Variants in UGCG observed in about 807,000 individuals in gnomAD.
UGCG encodes UDP-glucose ceramide glucosyltransferase, also known as ceramide glucosyltransferase.
In UGCG, 10 loss-of-function variants were observed where a neutral mutation model predicts 49.5. The ratio of observed to expected loss-of-function variants is 0.20; its 90% CI spans 0.12 to 0.34. The LOEUF (loss-of-function observed/expected upper bound fraction) is 0.34, where lower values mean the gene tolerates loss of function less well. Among genes scored for constraint, UGCG ranks in the 10% least tolerant of loss-of-function variants. The pLI, the probability that UGCG is intolerant of heterozygous loss-of-function variation, is 1.00. For missense variants in UGCG, 312 were observed against 483.7 expected (o/e 0.65, Z 3.33); for synonymous variants, 182 against 158.2 (o/e 1.15, Z -1.13).
chr9:111,908,820 A>G (rs1837940599), intron 1 of UGCG, among the ~76,000 whole-genome samples: 1 of 152,238 alleles, frequency 6.6e-6, no homozygotes, highest in Admixed American at 6.5e-5. Context: ...AAAACTAGTT[A>G]GAAACCAGTA....
rs1838464134 is a variant in UGCG at position 111,933,497 on chromosome 9, A to C, written c.*500A>C. On this transcript the variant is annotated 3_prime_UTR_variant, in exon 9 of 9. Coordinates refer to ENST00000374279, the MANE Select transcript of UGCG (RefSeq NM_003358.3). ...CACATGGCGAGGTACTAACTGAGAA[A>C]CTTTTTCATGCTTTATGCCTACCTC... is the stretch of plus-strand genomic sequence containing the variant. 6.6e-6 allele frequency: 1 copy of C among 152,212 alleles called. No individual in the cohort carries two copies. Among genetic ancestry groups the C allele is most frequent in the African/African-American group, 2.4e-5 (1 of 41,436 alleles). The allele number at this position is 152,212 out of a possible 1,614,324, so 9.4% of individuals were successfully genotyped here. A position where few individuals can be genotyped will look rare whatever the true frequency, so the allele number is the denominator to read the frequency against.
intron 1 of UGCG, among the ~76,000 whole-genome samples, chr9:111,911,905 G>GAT (rs200468304): frequency 5.4e-4 from 43 of 79,056 alleles, no homozygotes; most frequent in South Asian, 1.0e-3. Context: ...TATTCAACAG[G>GAT]ATATATATAT....
At chr9:111,920,226 G>A (rs1838195604) in intron 2 of UGCG, among the ~76,000 whole-genome samples, 2 of 152,148 alleles carry the variant, frequency 1.3e-5, no homozygotes, top group Admixed American at 1.3e-4. Context: ...TAGAAAGTAT[G>A]AGGAAAATAT....
intron 1 of UGCG, among the ~76,000 whole-genome samples, chr9:111,908,592 A>G (rs751321132): frequency 6.6e-6 from 1 of 152,186 alleles, no homozygotes; most frequent in Non-Finnish European, 1.5e-5. Flanking sequence ...TACCCCCCAC[A>G]CCACTTCCCC....
At chr9:111,899,699 A>G (rs899852632) in intron 1 of UGCG, among the ~76,000 whole-genome samples, 1 of 152,066 alleles carries the variant, frequency 6.6e-6, no homozygotes, top group Non-Finnish European at 1.5e-5. Context: ...AAATTATTAT[A>G]TATGTTAGTC....
intron 2 of UGCG, among the ~76,000 whole-genome samples, chr9:111,921,611 A>G (rs1377893598): frequency 2.0e-5 from 3 of 150,708 alleles, no homozygotes; most frequent in Admixed American, 6.7e-5. Context: ...AGATCATGCC[A>G]CTGCACTCCA....
chr9:111,929,828 TTTG>T, intron 6 of UGCG, 150 bp downstream of exon 6: 1 of 985,862 alleles, frequency 1.0e-6, no homozygotes, highest in South Asian at 1.9e-5. Context: ...TATTATTTTG[TTTG>T]TTTTTGAGAC....
chr9:111,910,651 C>T (rs1837979555), intron 1 of UGCG, among the ~76,000 whole-genome samples: 1 of 152,166 alleles, frequency 6.6e-6, no homozygotes, highest in Admixed American at 6.6e-5. Context: ...TCATTTCCTT[C>T]TCTTCTCTTG....
At position 111,933,163 on chromosome 9, in the gene UGCG, A is replaced by G; in HGVS notation, c.*166A>G. On this transcript the variant is annotated 3_prime_UTR_variant, in exon 9 of 9. Transcript: ENST00000374279. ...CACTTGCATCTGTGAAAAAAAAAAA[A>G]AACACATCTGTAGTCTTGGCCAAAT... The G allele has an allele frequency of 3.3e-6, 2 of 606,110 alleles. No individual in the cohort carries two copies. Among genetic ancestry groups the G allele is most frequent in the South Asian group, 8.1e-5 (1 of 12,414 alleles). The allele number at this position is 606,110 out of a possible 1,614,324, so 37.5% of individuals were successfully genotyped here.
At chr9:111,910,901 A>G (rs1243662966) in intron 1 of UGCG, among the ~76,000 whole-genome samples, 2 of 152,084 alleles carry the variant, frequency 1.3e-5, no homozygotes. Flanking sequence ...GCACACCACC[A>G]TGCCTGGCCA....
chr9:111,930,658 C>T (rs1445793251), intron 6 of UGCG, among the ~76,000 whole-genome samples: 6 of 151,504 alleles, frequency 4.0e-5, no homozygotes, highest in South Asian at 2.1e-4. Context: ...TTAGTAGAGG[C>T]GGGGTTTCAC....
chr9:111,898,262 A>G (rs1266270028), intron 1 of UGCG, among the ~76,000 whole-genome samples: 1 of 152,118 alleles, frequency 6.6e-6, no homozygotes, highest in Non-Finnish European at 1.5e-5. Flanking sequence ...CACATTACTG[A>G]TATCGATTCA....
In UGCG at chr9:111,897,120, C is replaced by A; in HGVS notation, c.-96C>A. ...CTCCCCACCTTCCTCTCGCCTCCCGCGCCCCCGCACCGGGCGCCCACCCTG... is the reference window on the plus strand; with the variant it reads ...CTCCCCACCTTCCTCTCGCCTCCCGAGCCCCCGCACCGGGCGCCCACCCTG... On this transcript the variant is annotated 5_prime_UTR_variant, in exon 1 of 9. Coordinates refer to ENST00000374279, the MANE Select transcript of UGCG (RefSeq NM_003358.3). The A allele has an allele frequency of 1.0e-6, 1 of 1,000,862 alleles. No homozygotes were observed. Among genetic ancestry groups the A allele is most frequent in the Non-Finnish European group, 1.4e-6 (1 of 706,402 alleles). 62.0% of individuals were successfully genotyped at this position (1,000,862 alleles called of 1,614,324 possible).
chr9:111,908,665 A>G (rs76744159), intron 1 of UGCG, among the ~76,000 whole-genome samples: 5,523 of 152,364 alleles, frequency 0.036, 138 homozygotes, highest in African/African-American at 0.069. Context: ...GATTCCCAGT[A>G]TAGAACCTAG....
chr9:111,918,949 A>ACC lies in UGCG; in HGVS notation c.241-3900_241-3899insCC, dbSNP rs1229753638. Reference sequence around the variant, plus strand: ...CAAAAAAAAAAAACAAAAAACAAAAAAACAAAAAAAAACACTTCAAACCTT... The same window carrying ACC: ...CAAAAAAAAAAAACAAAAAACAAAAACCAACAAAAAAAAACACTTCAAACCTT... On this transcript the variant is annotated intron_variant, in intron 2 of 8. Transcript: ENST00000374279. Among the ~76,000 whole-genome samples, 358 of 119,134 alleles carry ACC rather than the reference A, an allele frequency of 3.0e-3. 2 individuals are homozygous for ACC. The highest frequency in any genetic ancestry group is 0.014 in the African/African-American group (343 of 25,268). The allele number at this position is 119,134 out of a possible 152,430, so 78.2% of individuals were successfully genotyped here.
At chr9:111,925,362 T>G (rs1047783146) in intron 4 of UGCG, among the ~76,000 whole-genome samples, 2 of 152,250 alleles carry the variant, frequency 1.3e-5, no homozygotes, top group African/African-American at 4.8e-5. Context: ...TAACTTGCAT[T>G]TTCGAACACT....
At chr9:111,914,791 G>A (rs1432547362) in intron 2 of UGCG, 45 bp downstream of exon 2, 1 of 1,362,914 alleles carries the variant, frequency 7.3e-7, no homozygotes, top group Non-Finnish European at 9.9e-7. Flanking sequence ...GTTTTGTTTT[G>A]TTCCCCTCAT....
In UGCG at chr9:111,929,395, T is replaced by C. The variant is rs1002872804; in HGVS notation, c.559-105T>C. The C allele has an allele frequency of 5.2e-6, 6 of 1,164,592 alleles. No homozygotes were observed. In the African/African-American group the frequency reaches 6.3e-5, roughly 12 times the overall value. 72.1% of individuals were successfully genotyped at this position (1,164,592 alleles called of 1,614,324 possible). On this transcript the variant is annotated intron_variant, in intron 5 of 8. Coordinates refer to ENST00000374279, the MANE Select transcript of UGCG (RefSeq NM_003358.3). ...TAGTCTACGTAAGAATAATAAGATA[T>C]TCACTCAATCATACTTATAAAAAAA...
At chr9:111,919,654 G>A (rs1045127920) in intron 2 of UGCG, among the ~76,000 whole-genome samples, 1 of 151,742 alleles carries the variant, frequency 6.6e-6, no homozygotes, top group Non-Finnish European at 1.5e-5. Flanking sequence ...AATTAGCCGG[G>A]CGTGGTGGCG....
Sources: gnomAD v4.1 joint callset for allele counts (sites outside exome capture counted in the v4.1 genomes callset) on GRCh38, gnomAD v4.1.1 for gene constraint, MANE v1.5 for transcripts, NCBI Gene and HGNC (gene_info 2026-07-23, HGNC 2026-07-21) for gene names.